Variants in DPP6 observed in about 807,000 individuals in gnomAD.
DPP6 encodes the protein dipeptidyl peptidase like 6.
In DPP6, 69 loss-of-function variants were observed where a neutral mutation model predicts 122.6. The ratio of observed to expected loss-of-function variants is 0.56; its 90% confidence interval spans 0.46 to 0.69. DPP6 has a LOEUF of 0.69. Ranked by LOEUF, DPP6 falls within the 30% of genes least tolerant of loss-of-function variation. The pLI is 0.00. For synonymous variants in DPP6, 418 were observed against 433.1 expected (o/e 0.97, Z 0.43); for missense variants, 928 against 1,116.9 (o/e 0.83, Z 2.41).
intron 16 of DPP6, among the ~76,000 whole-genome samples, chr7:154,807,849 G>A (rs978304989): frequency 2.0e-5 from 3 of 152,086 alleles, no homozygotes; most frequent in African/African-American, 7.2e-5. Flanking sequence ...AAAAAGGATT[G>A]AGGTTATGTT....
chr7:153,945,125 T>C (rs1261239484), intron 1 of DPP6, among the ~76,000 whole-genome samples: 1 of 152,168 alleles, frequency 6.6e-6, no homozygotes, highest in East Asian at 1.9e-4. Context: ...ACTCATGTTG[T>C]AAATGAGTTT....
At chr7:153,846,610 T>G in the DPP6 span, among the ~76,000 whole-genome samples, 4 of 151,796 alleles carry the variant, frequency 2.6e-5, no homozygotes, top group East Asian at 7.7e-4. Context: ...TCATCCAATC[T>G]CTATTCTTCT....
intron 1 of DPP6, among the ~76,000 whole-genome samples, chr7:153,937,269 T>TGG (rs1801492306): frequency 6.6e-6 from 1 of 152,188 alleles, no homozygotes; most frequent in Non-Finnish European, 1.5e-5. Flanking sequence ...AAGATTACGC[T>TGG]GGCTGATGGC....
chr7:154,880,756 G>A, intron 20 of DPP6, 132 bp from the exon 21 acceptor site: 3 of 1,466,560 alleles, frequency 2.0e-6, no homozygotes, highest in Non-Finnish European at 2.8e-6. Flanking sequence ...ATATTGGAAT[G>A]CTAAGGTTGC....
chr7:154,241,736 C>G lies in DPP6; in HGVS notation c.243+188673C>G, dbSNP rs559220598. 3.3e-5 allele frequency among the ~76,000 whole-genome samples: 5 copies of G among 152,266 alleles called. No individual in the cohort carries two copies. In the South Asian group the frequency reaches 1.0e-3, roughly 32 times the overall value. On this transcript the variant is annotated intron_variant, in intron 1 of 25. Transcript: ENST00000377770. The surrounding 1 kb of genome is among the most constrained non-coding windows in gnomAD (Gnocchi z 9.0). ...TTCCCGAAGCTAACACGTGTCTAAC[C>G]TGTTTCCCATATTATGTTTTAAGTT... is the stretch of plus-strand genomic sequence containing the variant.
At chr7:153,856,000 G>A in the DPP6 span, among the ~76,000 whole-genome samples, 18 of 152,246 alleles carry the variant, frequency 1.2e-4, 1 homozygote, top group Admixed American at 9.8e-4. Context: ...ACATCCAACA[G>A]TGTCCCCCAA....
chr7:154,835,107 C>A (rs1179767936), intron 16 of DPP6, among the ~76,000 whole-genome samples: 2 of 152,014 alleles, frequency 1.3e-5, no homozygotes, highest in African/African-American at 4.8e-5. Context: ...CTTATTTCCC[C>A]ACAAAATGTG....
At chr7:153,781,160 C>T in the DPP6 span, among the ~76,000 whole-genome samples, 19 of 152,174 alleles carry the variant, frequency 1.2e-4, no homozygotes, top group Non-Finnish European at 2.6e-4. Flanking sequence ...ATGCACGTCA[C>T]GATAATGAAG....
chr7:154,237,590 C>T (rs1801300722), intron 1 of DPP6, among the ~76,000 whole-genome samples: 2 of 152,164 alleles, frequency 1.3e-5, no homozygotes, highest in South Asian at 4.2e-4. Context: ...CAGGCTTCCC[C>T]CTCCACTGTC....
At chr7:154,813,877 CT>C (rs35188883) in intron 16 of DPP6, among the ~76,000 whole-genome samples, 10,603 of 94,252 alleles carry the variant, frequency 0.11, 334 homozygotes, top group African/African-American at 0.21. Context: ...AAGCACATTT[CT>C]TTTTTTTTTT....
At chr7:154,621,429 T>C (rs940623566) in intron 5 of DPP6, among the ~76,000 whole-genome samples, 1 of 152,180 alleles carries the variant, frequency 6.6e-6, no homozygotes, top group African/African-American at 2.4e-5. Flanking sequence ...AGGGCAGTGG[T>C]GCAATCTCAG....
intron 1 of DPP6, among the ~76,000 whole-genome samples, chr7:154,414,404 T>C (rs1816853517): frequency 1.3e-5 from 2 of 152,244 alleles, no homozygotes; most frequent in South Asian, 4.1e-4. Flanking sequence ...TTACCTAAAT[T>C]AATCACCTTT....
chr7:154,190,095 T>A (rs573680170), intron 1 of DPP6, among the ~76,000 whole-genome samples: 4 of 152,318 alleles, frequency 2.6e-5, no homozygotes, highest in African/African-American at 9.6e-5. Flanking sequence ...CATATCTGAT[T>A]GATATGGAGG....
the DPP6 span, among the ~76,000 whole-genome samples, chr7:153,870,064 C>T: frequency 2.1e-4 from 32 of 152,318 alleles, no homozygotes; most frequent in African/African-American, 7.7e-4. Flanking sequence ...CCCTACCTTT[C>T]TCTCTGGCTG....
At chr7:154,842,601 C>G (rs1277119202) in intron 16 of DPP6, among the ~76,000 whole-genome samples, 3 of 151,984 alleles carry the variant, frequency 2.0e-5, no homozygotes, top group African/African-American at 7.3e-5. Flanking sequence ...ATTTTTGTCC[C>G]TCTGGTCACA....
At chr7:154,215,106 G>C (rs116017885) in intron 1 of DPP6, among the ~76,000 whole-genome samples, 5 of 152,120 alleles carry the variant, frequency 3.3e-5, no homozygotes, top group Admixed American at 1.3e-4. Context: ...AAGAAAACAG[G>C]TTTAATTCAC....
chr7:153,843,118 ATG>A, the DPP6 span, among the ~76,000 whole-genome samples: 1 of 151,850 alleles, frequency 6.6e-6, no homozygotes, highest in Non-Finnish European at 1.5e-5. Context: ...GTGCATACAC[ATG>A]CGCATACACA....
intron 1 of DPP6, among the ~76,000 whole-genome samples, chr7:154,414,435 T>C (rs1280305964): frequency 6.6e-6 from 1 of 152,252 alleles, no homozygotes; most frequent in African/African-American, 2.4e-5. Context: ...TAGTGGTTCT[T>C]GATCTCTTAT....
chr7:153,916,710 T>C (rs1303326381), intron 1 of DPP6, among the ~76,000 whole-genome samples: 1 of 152,070 alleles, frequency 6.6e-6, no homozygotes, highest in Non-Finnish European at 1.5e-5. Flanking sequence ...CCCGGCCTTC[T>C]TTTTTATTTT....
Sources: gnomAD v4.1 joint callset for allele counts (sites outside exome capture counted in the v4.1 genomes callset) on GRCh38, gnomAD v4.1.1 for gene constraint, Gnocchi (gnomAD v3.1) non-coding constraint, MANE v1.5 for transcripts, NCBI Gene and HGNC (gene_info 2026-07-23, HGNC 2026-07-21) for gene names.